LNX2: variants seen among roughly 807,000 people sequenced by gnomAD.
LNX2 encodes ligand of numb-protein X 2, also known as ligand of Numb protein X 2.
A neutral mutation model predicts 66.2 loss-of-function variants in LNX2; 35 were observed. The observed-to-expected ratio is 0.53, with a 90% confidence interval of 0.40 to 0.70. The LOEUF (loss-of-function observed/expected upper bound fraction) is 0.70. Among genes scored for constraint, LNX2 ranks in the 30% least tolerant of loss-of-function variants. LNX2 has a pLI of 0.00. For synonymous variants in LNX2, 337 were observed against 315.6 expected (o/e 1.07, Z -0.72); for missense variants, 791 against 850.8 (o/e 0.93, Z 0.87).
At chr13:27,554,149 T>A (rs774128207) in intron 7 of LNX2, among the ~76,000 whole-genome samples, 11 of 152,198 alleles carry the variant, frequency 7.2e-5, no homozygotes, top group Non-Finnish European at 1.0e-4. Flanking sequence ...TTTTTCAGAT[T>A]ATTAAAGCAA....
At chr13:27,549,742 T>C (rs954652882) in intron 9 of LNX2, among the ~76,000 whole-genome samples, 2 of 152,232 alleles carry the variant, frequency 1.3e-5, no homozygotes, top group African/African-American at 4.8e-5. Flanking sequence ...CAAATATTTA[T>C]GGAGATCTTA....
In LNX2 at chr13:27,568,980, G is replaced by A. The variant is rs779203376; in HGVS notation, c.655+49C>T. The A allele has an allele frequency of 8.6e-6, 13 of 1,519,882 alleles. No homozygotes were observed. The East Asian group carries it at 2.9e-4, about 34-fold the overall frequency. 94.1% of individuals were successfully genotyped at this position (1,519,882 alleles called of 1,614,324 possible). A position where few individuals can be genotyped will look rare whatever the true frequency, so the allele number is the denominator to read the frequency against. On this transcript the variant is annotated intron_variant, in intron 3 of 9. Transcript: ENST00000316334. ...AAAGTACATGTTGGGCAAGTAGTGG[G>A]AAGAAAGGAAATAGAGATGAAATAC...
chr13:27,615,460 A>G (rs1368451917), intron 1 of LNX2, among the ~76,000 whole-genome samples: 2 of 152,168 alleles, frequency 1.3e-5, no homozygotes. Context: ...TGAAGACTTC[A>G]TAACATAGGT....
chr13:27,618,963 T>A (rs1450948216), intron 1 of LNX2, among the ~76,000 whole-genome samples: 1 of 152,202 alleles, frequency 6.6e-6, no homozygotes, highest in Non-Finnish European at 1.5e-5. Flanking sequence ...ACTAGTGGGA[T>A]AAAGGCATGG....
chr13:27,584,779 G>A (rs536295201), intron 1 of LNX2, among the ~76,000 whole-genome samples: 1 of 152,294 alleles, frequency 6.6e-6, no homozygotes, highest in Admixed American at 6.5e-5. Context: ...GATTCAGGCA[G>A]GACAGTTGGC....
At chr13:27,582,887 A>G (rs556594644) in intron 1 of LNX2, among the ~76,000 whole-genome samples, 16 of 152,174 alleles carry the variant, frequency 1.1e-4, no homozygotes, top group Non-Finnish European at 1.9e-4. Flanking sequence ...AACTTAAAGT[A>G]TAATAATAAA....
In LNX2 at chr13:27,592,804, C is replaced by A. The variant is rs115943307; in HGVS notation, c.-100-11001G>T. On this transcript the variant is annotated intron_variant, in intron 1 of 9. Transcript: ENST00000316334. ...AGAAAGCAGATAAAGAAAAGTGTTC[C>A]GAGGAAGAAGAAATAATCAACTGTG... is the stretch of plus-strand genomic sequence containing the variant. Among the ~76,000 whole-genome samples the A allele has an allele frequency of 8.0e-3, 1,219 of 152,052 alleles. 19 individuals carry two copies. Among genetic ancestry groups the A allele is most frequent in the Middle Eastern group, 0.037 (11 of 294 alleles).
At chr13:27,563,200 A>C (rs565236877) in intron 4 of LNX2, among the ~76,000 whole-genome samples, 187 of 152,340 alleles carry the variant, frequency 1.2e-3, no homozygotes, top group Non-Finnish European at 2.2e-3. Context: ...TACTAATTCT[A>C]GTGGAACAGA....
intron 1 of LNX2, among the ~76,000 whole-genome samples, chr13:27,601,100 A>G (rs545353267): frequency 6.6e-6 from 1 of 152,342 alleles, no homozygotes; most frequent in South Asian, 2.1e-4. Context: ...GCTGGACATT[A>G]TACTGATTGC....
intron 1 of LNX2, among the ~76,000 whole-genome samples, chr13:27,609,123 CA>C (rs1955748413): frequency 6.9e-6 from 1 of 144,902 alleles, no homozygotes; most frequent in South Asian, 2.2e-4. Flanking sequence ...ATTTTCTTTT[CA>C]AAAGGTTCAA....
intron 7 of LNX2, among the ~76,000 whole-genome samples, chr13:27,555,137 C>A (rs1470445456): frequency 2.6e-5 from 4 of 152,058 alleles, no homozygotes; most frequent in African/African-American, 9.7e-5. Context: ...TTTGTAGAGA[C>A]AAGGTTGTGC....
At chr13:27,619,675 A>G (rs1364468097) in intron 1 of LNX2, among the ~76,000 whole-genome samples, 1 of 152,256 alleles carries the variant, frequency 6.6e-6, no homozygotes, top group Non-Finnish European at 1.5e-5. Flanking sequence ...CATAAACTTA[A>G]CGTAAACTGA....
chr13:27,612,514 A>T (rs1188731109), intron 1 of LNX2, among the ~76,000 whole-genome samples: 1 of 152,264 alleles, frequency 6.6e-6, no homozygotes, highest in Non-Finnish European at 1.5e-5. Context: ...TGCCAGCATC[A>T]TCCAACAGAA....
At chr13:27,616,613 CT>C (rs1955829811) in intron 1 of LNX2, among the ~76,000 whole-genome samples, 2 of 152,188 alleles carry the variant, frequency 1.3e-5, no homozygotes, top group Non-Finnish European at 2.9e-5. Flanking sequence ...CTTAGGGATT[CT>C]GCAGTTAGCA....
intron 2 of LNX2, among the ~76,000 whole-genome samples, chr13:27,577,865 A>G (rs1247417198): frequency 6.6e-6 from 1 of 152,198 alleles, no homozygotes; most frequent in East Asian, 1.9e-4. Flanking sequence ...TGAGTGGTAG[A>G]GCGTAGGAGG....
chr13:27,571,643 G>C (rs1266396212), intron 2 of LNX2, among the ~76,000 whole-genome samples: 1 of 152,134 alleles, frequency 6.6e-6, no homozygotes, highest in Non-Finnish European at 1.5e-5. Flanking sequence ...TTTATTTAAA[G>C]TGGGCAATTT....
At chr13:27,612,468 T>C (rs1394343056) in intron 1 of LNX2, among the ~76,000 whole-genome samples, 1 of 152,226 alleles carries the variant, frequency 6.6e-6, no homozygotes, top group Non-Finnish European at 1.5e-5. Context: ...TTGCAGAGAC[T>C]AGGGCAGTTT....
chr13:27,600,797 T>C (rs1479992988), intron 1 of LNX2, among the ~76,000 whole-genome samples: 2 of 152,196 alleles, frequency 1.3e-5, no homozygotes, highest in African/African-American at 4.8e-5. Context: ...TTCCTATTTC[T>C]AATGGCTGGC....
At chr13:27,600,189 T>C (rs142722592) in intron 1 of LNX2, among the ~76,000 whole-genome samples, 125 of 152,308 alleles carry the variant, frequency 8.2e-4, no homozygotes, top group African/African-American at 2.9e-3. Context: ...TACTAGCCAA[T>C]GACACAAAAT....
Sources: allele counts gnomAD v4.1 joint callset (sites outside exome capture counted in the v4.1 genomes callset), GRCh38; gene constraint gnomAD v4.1.1; transcripts MANE v1.5; gene names NCBI Gene and HGNC (gene_info 2026-07-23, HGNC 2026-07-21).